The following TRIM21 variants were observed in gnomAD, a reference collection of about 807,000 sequenced individuals.
TRIM21 encodes tripartite motif containing 21, also known as E3 ubiquitin-protein ligase TRIM21.
A neutral mutation model predicts 36.1 loss-of-function variants in TRIM21; 35 were observed. The observed-to-expected ratio is 0.97, with a 90% CI of 0.74 to 1.28. The LOEUF is 1.28. Among genes scored for constraint, TRIM21 ranks in the 50% most tolerant of loss-of-function variants. TRIM21 has a pLI of 0.00. For missense variants in TRIM21, 635 were observed against 570.7 expected (o/e 1.11, Z -1.15); for synonymous variants, 256 against 211.5 (o/e 1.21, Z -1.83).
At position 4,385,512 on chromosome 11, in the gene TRIM21, G is replaced by C; in HGVS notation, c.1201C>G (p.Gln401Glu). Reference protein sequence around the residue: ...GTYPQTPLHLQVPPCQVGIFL... With the variant: ...GTYPQTPLHLEVPPCQVGIFL... ...ATCCCAACTTGGCATGGAGGCACCT[G>C]AAGGTGGAGGGGAGTCTGGGGGTAG... Residue 401 changes from glutamine to glutamate, a missense_variant, in exon 7 of 7, where the codon CAG (glutamine) becomes GAG (glutamate). Coordinates refer to ENST00000254436, the MANE Select transcript of TRIM21 (RefSeq NM_003141.4). 6.2e-7 allele frequency: 1 copy of C among 1,611,994 alleles called. No homozygotes were observed. Among genetic ancestry groups the C allele is most frequent in the Non-Finnish European group, 8.5e-7 (1 of 1,178,936 alleles).
intron 3 of TRIM21, among the ~76,000 whole-genome samples, 164 bp from the exon 4 acceptor site, chr11:4,388,694 C>A (rs745389616): frequency 4.6e-5 from 7 of 151,892 alleles, no homozygotes; most frequent in Non-Finnish European, 2.9e-5. Flanking sequence ...CACACACACA[C>A]AATTTTGCTT....
rs1395796159 is a variant in TRIM21, at chr11:4,385,389, G to A, written c.1324C>T (p.Leu442=). 6.2e-7 allele frequency: 1 copy of A among 1,613,894 alleles called. No individual in the cohort carries two copies. Among genetic ancestry groups the A allele is most frequent in the South Asian group, 1.1e-5 (1 of 91,060 alleles). ...SFSECAFTGP[L]RPFFSPGFND... The stretch of plus-strand genomic sequence containing the variant: ...AAACCAGGACTGAAGAAGGGCCGCA[G>A]AGGTCCTGTAAAGGCACATTCAGAG... Residue 442 remains leucine, a synonymous_variant, in exon 7 of 7, where the codon CTG becomes TTG. Coordinates refer to ENST00000254436, the MANE Select transcript of TRIM21 (RefSeq NM_003141.4).
Position 4,385,844 on chromosome 11 carries a change from G to A in TRIM21, c.869C>T (p.Thr290Ile). The change falls in exon 7 of 7, where the codon ACT becomes ATT. Residue 290 changes from threonine (T) to isoleucine (I), a missense_variant. By Grantham distance (89) the Thr-to-Ile change is moderately conservative. Coordinates refer to ENST00000254436, the MANE Select transcript of TRIM21 (RefSeq NM_003141.4). ...KMLRTCAVHI[T>I]LDPDTANPWL... ...CGGATTGGCTGTGTCTGGATCCAGAGTGATGTGGACTGCAGAGAGAGGACC... is the reference window on the plus strand; with the variant it reads ...CGGATTGGCTGTGTCTGGATCCAGAATGATGTGGACTGCAGAGAGAGGACC... 6.2e-7 allele frequency: 1 copy of A among 1,609,142 alleles called. No homozygotes were observed. The highest frequency in any genetic ancestry group is 8.5e-7 in the Non-Finnish European group (1 of 1,177,546).
intron 6 of TRIM21, 33 bp downstream of exon 6, chr11:4,386,124 C>A (rs2094956066): frequency 1.2e-6 from 2 of 1,601,018 alleles, no homozygotes; most frequent in African/African-American, 1.3e-5. Flanking sequence ...CTCTGCACCC[C>A]ATTATCCCCC....
intron 3 of TRIM21, 82 bp from the exon 4 acceptor site, chr11:4,388,612 T>C: frequency 7.3e-7 from 1 of 1,367,068 alleles, no homozygotes; most frequent in South Asian, 1.2e-5. Context: ...TACCTATTCC[T>C]ATCCCCAAGA....
At chr11:4,389,901 G>T (rs2094960761) in intron 2 of TRIM21, 101 bp downstream of exon 2, 53 of 1,525,778 alleles carry the variant, frequency 3.5e-5, no homozygotes, top group Non-Finnish European at 4.8e-5. Flanking sequence ...CATGGAGAGA[G>T]GTAAACCCCT....
rs1426378 is a variant in TRIM21, at chr11:4,393,643, G to A, written c.-60C>T. ...GTGGGGTTCACTCACCTTTACAGGGGACTCAACGCTGGTAGCCAGCTCCCT... is the reference window on the plus strand; with the variant it reads ...GTGGGGTTCACTCACCTTTACAGGGAACTCAACGCTGGTAGCCAGCTCCCT... On this transcript the variant is annotated 5_prime_UTR_variant, in exon 1 of 7. Transcript: ENST00000254436. The A allele has an allele frequency of 0.16, 24,723 of 152,250 alleles. 2,184 individuals are homozygous for A. The highest frequency in any genetic ancestry group is 0.29 in the South Asian group (1,399 of 4,824). 9.4% of individuals were successfully genotyped at this position (152,250 alleles called of 1,614,324 possible).
In TRIM21 at chr11:4,390,123, C is replaced by T; in HGVS notation, c.287G>A (p.Gly96Glu). 6.2e-7 allele frequency: 1 copy of T among 1,614,056 alleles called. No individual in the cohort carries two copies. Among genetic ancestry groups the T allele is most frequent in the Non-Finnish European group, 8.5e-7 (1 of 1,179,900 alleles). The change falls in exon 2 of 7, where the codon GGA becomes GAA. Residue 96 changes from glycine (G) to glutamate (E), a missense_variant. Coordinates refer to ENST00000254436, the MANE Select transcript of TRIM21 (RefSeq NM_003141.4). ...CTCACAGAACAGGTGAAGTCTCTCT[C>T]CATGCACTGCACACCGTTCCCCCTG... ...GTQGERCAVHGERLHLFCEKD... is the reference protein window; with the variant it reads ...GTQGERCAVHEERLHLFCEKD...
chr11:4,386,870 G>GAA (rs2094956807), intron 5 of TRIM21, 98 bp downstream of exon 5: 1 of 1,291,846 alleles, frequency 7.7e-7, no homozygotes, highest in Admixed American at 2.6e-5. Flanking sequence ...GCCAGATGGG[G>GAA]AAAACTTCAG....
At chr11:4,393,053 C>T (rs917516153) in intron 1 of TRIM21, among the ~76,000 whole-genome samples, 1 of 152,198 alleles carries the variant, frequency 6.6e-6, no homozygotes, top group Admixed American at 6.5e-5. Context: ...CCAGCACTCC[C>T]TGGGCTCTTT....
At chr11:4,387,257 T>TG (rs1486004047) in intron 4 of TRIM21, among the ~76,000 whole-genome samples, 1 of 134,832 alleles carries the variant, frequency 7.4e-6, no homozygotes, top group Non-Finnish European at 1.7e-5. Context: ...ACCAGTTTTT[T>TG]TTTTTTTTCC....
In TRIM21 at chr11:4,385,250, C is replaced by T. The variant is rs1174230605; in HGVS notation, c.*35G>A. 3.8e-6 allele frequency: 6 copies of T among 1,571,546 alleles called. No individual in the cohort carries two copies. In the African/African-American group the frequency reaches 8.1e-5, roughly 21 times the overall value. On this transcript the variant is annotated 3_prime_UTR_variant, in exon 7 of 7. Transcript: ENST00000254436. ...CAGGGTTTGTGGCTGAGAAGCGGTG[C>T]CAATGGGGAGAGTGGCAGTGTCCAG...
chr11:4,390,303 C>A lies in TRIM21; in HGVS notation c.107G>T (p.Cys36Phe). 6.2e-7 allele frequency: 1 copy of A among 1,613,940 alleles called. No individual in the cohort carries two copies. The highest frequency in any genetic ancestry group is 1.1e-5 in the South Asian group (1 of 91,080). The change falls in exon 2 of 7, where the codon TGC (cysteine) becomes TTC (phenylalanine). Residue 36 changes from cysteine to phenylalanine, a missense_variant. Transcript: ENST00000254436. ...CCCAACCTGAGAGATGCATTCCTGG[C>A]AGAAGCTGTGGCCACACTCGATGCT... is the stretch of plus-strand genomic sequence containing the variant. The part of the protein sequence containing the change: ...PVSIECGHSF[C>F]QECISQVGKG...
At chr11:4,388,031 G>T (rs1187266052) in intron 4 of TRIM21, among the ~76,000 whole-genome samples, 1 of 152,202 alleles carries the variant, frequency 6.6e-6, no homozygotes, top group African/African-American at 2.4e-5. Context: ...AGACCATCTA[G>T]TCCATAGTTT....
chr11:4,391,246 G>C (rs2094962780), intron 1 of TRIM21, among the ~76,000 whole-genome samples: 1 of 152,110 alleles, frequency 6.6e-6, no homozygotes. Context: ...ATAATAATCT[G>C]ACTCAAAAAT....
chr11:4,390,443 C>A lies in TRIM21; in HGVS notation c.-34G>T. The A allele has an allele frequency of 6.4e-7, 1 of 1,558,688 alleles. No homozygotes were observed. The highest frequency in any genetic ancestry group is 8.7e-7 in the Non-Finnish European group (1 of 1,148,864). On this transcript the variant is annotated 5_prime_UTR_variant, in exon 2 of 7. Transcript: ENST00000254436. ...GTGCCGTTAAACAGCAGTGTGGAGA[C>A]CTTTAGGGGGTTTGGCTGGGAGAGA... is the stretch of plus-strand genomic sequence containing the variant.
At chr11:4,388,641 C>CTCT in intron 3 of TRIM21, 111 bp from the exon 4 acceptor site, 2 of 1,033,112 alleles carry the variant, frequency 1.9e-6, no homozygotes, top group Non-Finnish European at 2.9e-6. Context: ...TCTGTGCTGT[C>CTCT]TGGGAAAACA....
chr11:4,387,686 T>C (rs950881635), intron 4 of TRIM21, among the ~76,000 whole-genome samples: 2 of 151,964 alleles, frequency 1.3e-5, no homozygotes, highest in African/African-American at 4.8e-5. Context: ...AGAAATCCCA[T>C]CTCTACTAGG....
At chr11:4,386,882 G>T (rs1326294408) in intron 5 of TRIM21, 86 bp downstream of exon 5, 71 of 1,394,446 alleles carry the variant, frequency 5.1e-5, no homozygotes, top group Non-Finnish European at 3.9e-6. Flanking sequence ...AAACTTCAGT[G>T]CATGTACTTC....
Sources: gnomAD v4.1 joint callset for allele counts (sites outside exome capture counted in the v4.1 genomes callset) on GRCh38, gnomAD v4.1.1 for gene constraint, MANE v1.5 for transcripts, NCBI Gene and HGNC (gene_info 2026-07-23, HGNC 2026-07-21) for gene names.